The following ATP6V0D1 variants were observed in gnomAD, a reference collection of about 807,000 sequenced individuals.
ATP6V0D1 encodes V-type proton ATPase subunit d 1.
In ATP6V0D1, 13 loss-of-function variants were observed where a neutral mutation model predicts 39.0. The ratio of observed to expected loss-of-function variants is 0.33; its 90% CI spans 0.22 to 0.53. The LOEUF (loss-of-function observed/expected upper bound fraction) is 0.53. ATP6V0D1 is among the 20% of genes least tolerant of loss of function. The probability of loss-of-function intolerance (pLI) is 0.94; values close to 1 mark genes in which losing one functional copy is unlikely to be tolerated. For synonymous variants in ATP6V0D1, 191 were observed against 191.2 expected (o/e 1.00, Z 0.01); for missense variants, 272 against 470.9 (o/e 0.58, Z 3.91).
At chr16:67,452,284 T>G in intron 2 of ATP6V0D1, 3 of 1,535,696 alleles carry the variant, frequency 2.0e-6, no homozygotes, top group Non-Finnish European at 2.6e-6. Context: ...AAAGGAGGCC[T>G]GTGGCCAGGA....
At position 67,438,459 on chromosome 16, in the gene ATP6V0D1, A is replaced by ACGCACACACACGCG; in HGVS notation, c.*55_*68dup. The ACGCACACACACGCG allele has an allele frequency of 1.3e-6, 2 of 1,544,718 alleles. No individual in the cohort carries two copies. Among genetic ancestry groups the ACGCACACACACGCG allele is most frequent in the East Asian group, 2.3e-5 (1 of 42,788 alleles). On this transcript the variant is annotated 3_prime_UTR_variant, in exon 8 of 8. Coordinates refer to ENST00000290949, the MANE Select transcript of ATP6V0D1 (RefSeq NM_004691.5). ...CTTGTCACAGACCACATACACACAC[A>ACGCACACACACGCG]CGCACACACACGCGCACACACACAC...
rs1490981311 is a variant in ATP6V0D1, at chr16:67,444,899, T to C, written c.303-193A>G. 2.6e-5 allele frequency among the ~76,000 whole-genome samples: 4 copies of C among 152,106 alleles called. No individual in the cohort carries two copies. Among genetic ancestry groups the C allele is most frequent in the East Asian group, 1.9e-4 (1 of 5,176 alleles). On this transcript the variant is annotated intron_variant, in intron 2 of 7. Coordinates refer to ENST00000290949, the MANE Select transcript of ATP6V0D1 (RefSeq NM_004691.5). This position sits in a 1 kb window ranked among gnomAD's most constrained non-coding sequence, Gnocchi z 4.8. ...CTCTCAAGCTTCTGACCACCCCCAC[T>C]GCCAGAGGCCTAGGACAGACACAGG...
intron 1 of ATP6V0D1, among the ~76,000 whole-genome samples, chr16:67,471,449 T>TA (rs2041372252): frequency 6.6e-6 from 1 of 151,928 alleles, no homozygotes. Flanking sequence ...CTCAGCCTCC[T>TA]AAAGGGCTGG....
intron 2 of ATP6V0D1, among the ~76,000 whole-genome samples, chr16:67,445,074 G>A (rs564227918): frequency 1.3e-5 from 2 of 152,348 alleles, no homozygotes; most frequent in East Asian, 1.9e-4. Flanking sequence ...GGTGAAGAGC[G>A]TGAGAGCCTG....
chr16:67,476,110 T>C (rs1337798543), intron 1 of ATP6V0D1, among the ~76,000 whole-genome samples: 1 of 151,924 alleles, frequency 6.6e-6, no homozygotes, highest in Non-Finnish European at 1.5e-5. Context: ...TAGTCACAGC[T>C]ACTCAGGAGG....
rs773633139 is a variant in ATP6V0D1 at position 67,438,890 on chromosome 16, G to T, written c.817-20C>A. The T allele has an allele frequency of 1.9e-6, 3 of 1,591,738 alleles. No homozygotes were observed. Among genetic ancestry groups the T allele is most frequent in the African/African-American group, 1.3e-5 (1 of 74,158 alleles). The stretch of plus-strand genomic sequence containing the variant: ...GTACTCCTGGCCAGGGGGGTGGGGG[G>T]AAGCACAAGCATGAGGGTTCTGGGT... On this transcript the variant is annotated intron_variant, in intron 6 of 7. Transcript: ENST00000290949.
chr16:67,441,644 G>C (rs1465951048), intron 4 of ATP6V0D1: 1 of 152,260 alleles, frequency 6.6e-6, no homozygotes, highest in Non-Finnish European at 1.5e-5. Flanking sequence ...GTGGGTGAGA[G>C]CACTCACTTT....
At chr16:67,465,127 A>C (rs2041318982) in intron 1 of ATP6V0D1, among the ~76,000 whole-genome samples, 1 of 152,216 alleles carries the variant, frequency 6.6e-6, no homozygotes, top group South Asian at 2.1e-4. Context: ...GATTTTTTAA[A>C]ACATCAGCCA....
At chr16:67,470,529 C>T (rs1205860490) in intron 1 of ATP6V0D1, among the ~76,000 whole-genome samples, 1 of 152,196 alleles carries the variant, frequency 6.6e-6, no homozygotes, top group East Asian at 1.9e-4. Flanking sequence ...TGCTCTCTAG[C>T]CTCCTGGCAG....
Position 67,438,450 on chromosome 16 carries a change from TACACACACACGCACACACACGCGCACAC to T in ATP6V0D1, c.*50_*77del, listed in dbSNP as rs2041001815. 2 of 1,514,734 alleles carry T rather than the reference TACACACACACGCACACACACGCGCACAC, an allele frequency of 1.3e-6. No homozygotes were observed. Among genetic ancestry groups the T allele is most frequent in the African/African-American group, 1.4e-5 (1 of 72,174 alleles). The allele number at this position is 1,514,734 out of a possible 1,614,324, so 93.8% of individuals were successfully genotyped here. On this transcript the variant is annotated 3_prime_UTR_variant, in exon 8 of 8. Transcript: ENST00000290949. Reference sequence around the variant, plus strand: ...AGCCACAGGCTTGTCACAGACCACATACACACACACGCACACACACGCGCACACACACACACACACACACAAAGAGTGC... The same window carrying T: ...AGCCACAGGCTTGTCACAGACCACATACACACACACACACACAAAGAGTGC...
intron 1 of ATP6V0D1, among the ~76,000 whole-genome samples, chr16:67,477,025 T>TAA (rs199765066): frequency 1.1e-3 from 43 of 40,210 alleles, no homozygotes; most frequent in Admixed American, 2.0e-3. Context: ...TGTCTCAAAT[T>TAA]AAAAAAAAAA....
Position 67,453,544 on chromosome 16 carries a change from G to T in ATP6V0D1, c.302C>A (p.Thr101Asn). ...AGAAGGCGCTACAAAGCACACTCACGTAATGAAGTCTAGGAAGCTGGCGAG... is the reference window on the plus strand; with the variant it reads ...AGAAGGCGCTACAAAGCACACTCACTTAATGAAGTCTAGGAAGCTGGCGAG... ...EPLASFLDFI[T>N]YSYMIDNVIL... Residue 101 changes from threonine (T) to asparagine (N), a missense_variant and splice_region_variant, in exon 2 of 8, where the codon ACT (threonine) becomes AAT (asparagine). This residue lies in a region of ATP6V0D1 where 135 missense variants were observed against 273.8 expected (regional missense o/e 0.49). Coordinates refer to ENST00000290949, the MANE Select transcript of ATP6V0D1 (RefSeq NM_004691.5). This position sits in a 1 kb window ranked among gnomAD's most constrained non-coding sequence, Gnocchi z 4.1. 1 of 1,614,102 alleles carries T rather than the reference G, an allele frequency of 6.2e-7. No homozygotes were observed. The highest frequency in any genetic ancestry group is 8.5e-7 in the Non-Finnish European group (1 of 1,179,972).
rs2041089792 is a variant in ATP6V0D1, at chr16:67,444,340, C to T, written c.481+188G>A. ...GCCTGGCCCAGCAAAAGCAACAGGA[C>T]AGGAGCAGAAGAGGGGTGAAGTGAG... is the stretch of plus-strand genomic sequence containing the variant. On this transcript the variant is annotated intron_variant, in intron 3 of 7. Coordinates refer to ENST00000290949, the MANE Select transcript of ATP6V0D1 (RefSeq NM_004691.5). This position sits in a 1 kb window ranked among gnomAD's most constrained non-coding sequence, Gnocchi z 4.8. 1.3e-5 allele frequency among the ~76,000 whole-genome samples: 2 copies of T among 152,170 alleles called. No homozygotes were observed. Among genetic ancestry groups the T allele is most frequent in the African/African-American group, 4.8e-5 (2 of 41,438 alleles).
intron 1 of ATP6V0D1, among the ~76,000 whole-genome samples, chr16:67,463,798 C>A (rs1260920610): frequency 1.3e-5 from 2 of 152,106 alleles, no homozygotes; most frequent in African/African-American, 4.8e-5. Flanking sequence ...AGCGGCCCTG[C>A]TCAAGGGCCT....
chr16:67,439,218 C>CT, intron 5 of ATP6V0D1, 56 bp downstream of exon 5: 1 of 1,613,906 alleles, frequency 6.2e-7, no homozygotes, highest in Non-Finnish European at 8.5e-7. Flanking sequence ...TTGGCAGAGC[C>CT]TCCCCAGGCC....
chr16:67,473,036 C>G (rs2041386715), intron 1 of ATP6V0D1, among the ~76,000 whole-genome samples: 1 of 152,180 alleles, frequency 6.6e-6, no homozygotes, highest in South Asian at 2.1e-4. Flanking sequence ...CCACAGCCTT[C>G]CAGGAACCAG....
chr16:67,445,822 A>T (rs892605477), intron 2 of ATP6V0D1: 5 of 427,408 alleles, frequency 1.2e-5, no homozygotes, highest in African/African-American at 4.0e-5. Flanking sequence ...CTGTGTGGGG[A>T]TGCAGTGAAG....
At chr16:67,462,617 G>C (rs941768243) in intron 1 of ATP6V0D1, among the ~76,000 whole-genome samples, 2 of 152,122 alleles carry the variant, frequency 1.3e-5, no homozygotes, top group Non-Finnish European at 2.9e-5. Context: ...TTGACCCCAG[G>C]GAGTTTGAGA....
intron 4 of ATP6V0D1, among the ~76,000 whole-genome samples, chr16:67,442,530 T>C (rs1332784645): frequency 6.6e-6 from 1 of 151,504 alleles, no homozygotes; most frequent in Non-Finnish European, 1.5e-5. Context: ...TGGGCCAGGG[T>C]AGTGCTGACC....
Sources: allele counts gnomAD v4.1 joint callset (sites outside exome capture counted in the v4.1 genomes callset), GRCh38; gene constraint gnomAD v4.1.1; regional missense constraint gnomAD v4.1.1; non-coding constraint Gnocchi (gnomAD v3.1); transcripts MANE v1.5; gene names NCBI Gene and HGNC (gene_info 2026-07-23, HGNC 2026-07-21).